Variants in PRKN observed in about 807,000 individuals in gnomAD.
The protein encoded by PRKN is E3 ubiquitin-protein ligase parkin.
A neutral mutation model predicts 59.5 loss-of-function variants in PRKN; 56 were observed. That is an observed-to-expected ratio of 0.94 (90% CI 0.76 to 1.18). The LOEUF is 1.18. Among genes scored for constraint, PRKN ranks in the 50% most tolerant of loss-of-function variants. PRKN has a pLI of 0.00. For synonymous variants in PRKN, 250 were observed against 222.1 expected (o/e 1.13, Z -1.12); for missense variants, 657 against 596.4 (o/e 1.10, Z -1.06).
At position 161,445,908 on chromosome 6, in the gene PRKN, T is replaced by A. The variant is rs1478885699; in HGVS notation, c.1084-59031A>T. On this transcript the variant is annotated intron_variant, in intron 9 of 11. Transcript: ENST00000366898. The surrounding 1 kb of genome is among the most constrained non-coding windows in gnomAD (Gnocchi z 7.7). ...GAGGCCTTAGTTCTGGAAAGCCTCC[T>A]GTGGGGAGATGGAGTGGCGGGGATA... Among the ~76,000 whole-genome samples, 3 of 151,944 alleles carry A rather than the reference T, an allele frequency of 2.0e-5. No homozygotes were observed. The highest frequency in any genetic ancestry group is 7.3e-5 in the African/African-American group (3 of 41,348).
intron 2 of PRKN, among the ~76,000 whole-genome samples, chr6:162,414,726 A>AAAAAAAAAAAAAGG (rs34838356): frequency 3.3e-5 from 3 of 91,874 alleles, no homozygotes; most frequent in East Asian, 3.7e-4. Context: ...AAAAAAAAAA[A>AAAAAAAAAAAAAGG]AGTGAATCTT....
chr6:162,459,692 C>T (rs1251697904), intron 1 of PRKN, among the ~76,000 whole-genome samples: 1 of 152,150 alleles, frequency 6.6e-6, no homozygotes, highest in Non-Finnish European at 1.5e-5. Flanking sequence ...TATGAAATGT[C>T]TGACTACATG....
chr6:162,044,308 G>C (rs1350651429), intron 5 of PRKN, among the ~76,000 whole-genome samples: 3 of 152,124 alleles, frequency 2.0e-5, no homozygotes, highest in Non-Finnish European at 4.4e-5. Flanking sequence ...AAACGAAAAG[G>C]AAGTAATGCA....
chr6:161,673,439 A>G (rs1485759806), intron 7 of PRKN, among the ~76,000 whole-genome samples: 1 of 152,186 alleles, frequency 6.6e-6, no homozygotes, highest in East Asian at 1.9e-4. Context: ...GACGGGAAGC[A>G]GATTGAGGTT....
chr6:162,594,079 G>C (rs1024773609), intron 1 of PRKN, among the ~76,000 whole-genome samples: 2 of 152,080 alleles, frequency 1.3e-5, no homozygotes, highest in Non-Finnish European at 2.9e-5. Flanking sequence ...GAACCTAGGA[G>C]GTGGAAGTTG....
chr6:162,718,904 G>A (rs1230439410), intron 1 of PRKN, among the ~76,000 whole-genome samples: 4 of 152,070 alleles, frequency 2.6e-5, no homozygotes, highest in Admixed American at 1.3e-4. Context: ...CAATACCTAT[G>A]TCAGAAGCTC....
chr6:162,108,581 T>G (rs549909534), intron 4 of PRKN, among the ~76,000 whole-genome samples: 1 of 152,276 alleles, frequency 6.6e-6, no homozygotes, highest in South Asian at 2.1e-4. Flanking sequence ...AATTCTAAAG[T>G]TCTCTAACTA....
At chr6:161,886,716 C>T (rs952397306) in intron 6 of PRKN, among the ~76,000 whole-genome samples, 2 of 118,458 alleles carry the variant, frequency 1.7e-5, no homozygotes, top group East Asian at 5.3e-4. Flanking sequence ...AATAAAATAA[C>T]ATAAAATAAC....
At chr6:162,612,125 G>T (rs575409741) in intron 1 of PRKN, among the ~76,000 whole-genome samples, 3 of 149,822 alleles carry the variant, frequency 2.0e-5, no homozygotes, top group Admixed American at 6.6e-5. Flanking sequence ...CCCGGGAGGC[G>T]GAGCTTGCAG....
chr6:161,817,034 A>T (rs914248639), intron 6 of PRKN, among the ~76,000 whole-genome samples: 22 of 152,076 alleles, frequency 1.4e-4, no homozygotes, highest in African/African-American at 5.1e-4. Context: ...ACACACACAT[A>T]AAGTTTTTGT....
intron 9 of PRKN, among the ~76,000 whole-genome samples, chr6:161,539,740 C>T: frequency 6.6e-6 from 1 of 152,174 alleles, no homozygotes; most frequent in Non-Finnish European, 1.5e-5. Flanking sequence ...ATCATCACTT[C>T]CTCTACCCAA....
intron 7 of PRKN, among the ~76,000 whole-genome samples, chr6:161,680,750 TATATATA>T (rs1785298921): frequency 5.0e-5 from 1 of 19,970 alleles, no homozygotes; most frequent in African/African-American, 1.8e-4. Context: ...TATATATATA[TATATATA>T]TATATATATA....
At chr6:162,562,584 T>G (rs911117754) in intron 1 of PRKN, among the ~76,000 whole-genome samples, 1 of 152,126 alleles carries the variant, frequency 6.6e-6, no homozygotes, top group Non-Finnish European at 1.5e-5. Flanking sequence ...TCTGGGGTAG[T>G]GGTGATTACA....
chr6:161,629,044 C>G (rs1783198984), intron 7 of PRKN, among the ~76,000 whole-genome samples: 1 of 152,162 alleles, frequency 6.6e-6, no homozygotes, highest in African/African-American at 2.4e-5. Flanking sequence ...CTGGAAGACA[C>G]TAGGCACTGA....
At chr6:162,237,552 T>C (rs1778794429) in intron 3 of PRKN, among the ~76,000 whole-genome samples, 1 of 152,180 alleles carries the variant, frequency 6.6e-6, no homozygotes, top group Non-Finnish European at 1.5e-5. Context: ...GGCAGCCGAA[T>C]GGCTAGAAAT....
At chr6:162,576,638 C>T (rs560369016) in intron 1 of PRKN, among the ~76,000 whole-genome samples, 1 of 152,032 alleles carries the variant, frequency 6.6e-6, no homozygotes, top group South Asian at 2.1e-4. Context: ...ATGGTGAAAC[C>T]CTGTCTCTAC....
rs934424803 is a variant in PRKN, at chr6:162,262,543, G to GT, written c.393dup (p.Pro132ThrfsTer9). The GT allele has an allele frequency of 9.9e-6, 16 of 1,614,038 alleles. No homozygotes were observed. Among genetic ancestry groups the GT allele is most frequent in the Non-Finnish European group, 1.2e-5 (14 of 1,179,994 alleles). ...CAATTACCTGGACTTCCAGCTGGTG[G>GT]TGAGTCCTTCCTGCTGTCAGTGTGC... On this transcript the variant is annotated frameshift_variant, in exon 3 of 12. Transcript: ENST00000366898. LOFTEE classifies it high-confidence loss of function.
intron 4 of PRKN, among the ~76,000 whole-genome samples, chr6:162,196,051 C>T (rs1305283555): frequency 1.3e-5 from 2 of 152,160 alleles, no homozygotes; most frequent in African/African-American, 4.8e-5. Context: ...TACTTCCTAT[C>T]CCAGGGGCTT....
chr6:161,635,792 A>G (rs1186226831), intron 7 of PRKN, among the ~76,000 whole-genome samples: 2 of 152,164 alleles, frequency 1.3e-5, no homozygotes, highest in Admixed American at 1.3e-4. Context: ...GGGATTAATG[A>G]TCAAGGAAAT....
Sources: gnomAD v4.1 joint callset for allele counts (sites outside exome capture counted in the v4.1 genomes callset) on GRCh38, gnomAD v4.1.1 for gene constraint, Gnocchi (gnomAD v3.1) non-coding constraint, MANE v1.5 for transcripts, NCBI Gene and HGNC (gene_info 2026-07-23, HGNC 2026-07-21) for gene names.